CTNNA2: variants seen among roughly 807,000 people sequenced by gnomAD.
The protein encoded by CTNNA2 is catenin alpha-2.
In CTNNA2, 42 loss-of-function variants were observed where a neutral mutation model predicts 101.0. The ratio of observed to expected loss-of-function variants is 0.42; its 90% CI spans 0.32 to 0.54. The LOEUF (loss-of-function observed/expected upper bound fraction) is 0.54, where lower values mean the gene tolerates loss of function less well. Among genes scored for constraint, CTNNA2 ranks in the 20% least tolerant of loss-of-function variants. The pLI is 0.14. For missense variants in CTNNA2, 871 were observed against 1,223.1 expected (o/e 0.71, Z 4.29); for synonymous variants, 450 against 456.4 (o/e 0.99, Z 0.18).
intron 7 of CTNNA2, among the ~76,000 whole-genome samples, chr2:80,263,137 G>A (rs1446715358): frequency 6.6e-6 from 1 of 152,030 alleles, no homozygotes; most frequent in African/African-American, 2.4e-5. Context: ...GCTTAACTGG[G>A]TTTTTGGTCC....
chr2:80,425,394 CA>C (rs1184784730), intron 9 of CTNNA2, among the ~76,000 whole-genome samples: 2 of 151,872 alleles, frequency 1.3e-5, no homozygotes, highest in African/African-American at 4.8e-5. Context: ...TTACATACCT[CA>C]AAAAAATAAA....
At position 79,706,329 on chromosome 2, in the gene CTNNA2, C is replaced by G. The variant is rs1294432368; in HGVS notation, c.103-38058C>G. 2.0e-4 allele frequency among the ~76,000 whole-genome samples: 28 copies of G among 140,274 alleles called. No homozygotes were observed. In the Admixed American group the frequency reaches 2.0e-3, roughly 10 times the overall value. 92.0% of individuals were successfully genotyped at this position (140,274 alleles called of 152,430 possible). Reference sequence around the variant, plus strand: ...AGTGAGCCGAGATCACGCCACTGCACTCCGCCCTGGGCGACAGAGCGAGAC... The same window carrying G: ...AGTGAGCCGAGATCACGCCACTGCAGTCCGCCCTGGGCGACAGAGCGAGAC... On this transcript the variant is annotated intron_variant, in intron 2 of 18. Transcript: ENST00000402739.
At chr2:80,358,313 A>G (rs74531049) in intron 7 of CTNNA2, among the ~76,000 whole-genome samples, 40 of 147,954 alleles carry the variant, frequency 2.7e-4, no homozygotes, top group African/African-American at 9.6e-4. Flanking sequence ...AAATAAATGT[A>G]TGAATGAGTT....
intron 2 of CTNNA2, among the ~76,000 whole-genome samples, chr2:79,701,401 A>C (rs536776315): frequency 6.6e-6 from 1 of 152,218 alleles, no homozygotes; most frequent in East Asian, 1.9e-4. Flanking sequence ...AGGCTAGTCT[A>C]ACTTTCTTAC....
intron 7 of CTNNA2, among the ~76,000 whole-genome samples, chr2:80,128,162 G>A (rs1702236756): frequency 6.6e-6 from 1 of 152,126 alleles, no homozygotes; most frequent in Non-Finnish European, 1.5e-5. Flanking sequence ...TCAGCCACTG[G>A]CAGAAGTTGT....
intron 7 of CTNNA2, among the ~76,000 whole-genome samples, chr2:80,036,849 G>GTGTA (rs1491167418): frequency 1.4e-4 from 2 of 14,540 alleles, no homozygotes; most frequent in Non-Finnish European, 3.8e-4. Context: ...GTGTGTGTGT[G>GTGTA]AGAGAGAGAG....
At chr2:80,320,506 A>T (rs563618969) in intron 7 of CTNNA2, among the ~76,000 whole-genome samples, 2 of 152,342 alleles carry the variant, frequency 1.3e-5, no homozygotes, top group Non-Finnish European at 2.9e-5. Flanking sequence ...TAATTGGGTG[A>T]GGAACAGACC....
intron 6 of CTNNA2, among the ~76,000 whole-genome samples, chr2:79,907,294 A>G (rs73938413): frequency 3.9e-5 from 6 of 152,076 alleles, no homozygotes; most frequent in African/African-American, 1.4e-4. Flanking sequence ...TTCAATTAGA[A>G]TATTATTTCT....
At chr2:80,556,651 T>C (rs1220124825) in intron 12 of CTNNA2, among the ~76,000 whole-genome samples, 9 of 152,100 alleles carry the variant, frequency 5.9e-5, no homozygotes, top group African/African-American at 2.2e-4. Flanking sequence ...GACTGGCCTG[T>C]TTTTAGTAGT....
intron 4 of CTNNA2, among the ~76,000 whole-genome samples, chr2:79,461,585 A>G (rs971173229): frequency 3.3e-5 from 5 of 152,100 alleles, no homozygotes; most frequent in Non-Finnish European, 4.4e-5. Context: ...ATCCCCATTC[A>G]TTACTCATTT....
At position 80,015,590 on chromosome 2, in the gene CTNNA2, A is replaced by T. The variant is rs564084249; in HGVS notation, c.1056+105793A>T. Among the ~76,000 whole-genome samples, 19 of 152,236 alleles carry T rather than the reference A, an allele frequency of 1.2e-4. No homozygotes were observed. In the South Asian group the frequency reaches 3.9e-3, roughly 32 times the overall value. On this transcript the variant is annotated intron_variant, in intron 7 of 18. Coordinates refer to ENST00000402739, the MANE Select transcript of CTNNA2 (RefSeq NM_001282597.3). ...TGTGCAGAAGGATACGGGACGTGGA[A>T]TGGGGAGTTGGGATTTGCTTACTAG...
intron 2 of CTNNA2, among the ~76,000 whole-genome samples, chr2:79,688,327 A>T (rs1341280575): frequency 1.3e-5 from 2 of 152,094 alleles, no homozygotes; most frequent in East Asian, 3.9e-4. Flanking sequence ...CATATATTGG[A>T]ATTATGAGAC....
intron 7 of CTNNA2, among the ~76,000 whole-genome samples, chr2:79,971,533 T>G (rs1690485598): frequency 6.6e-6 from 1 of 152,192 alleles, no homozygotes; most frequent in South Asian, 2.1e-4. Flanking sequence ...CATTTACTGC[T>G]TTCAAACCCT....
At chr2:80,583,470 C>G (rs1695712416) in intron 14 of CTNNA2, among the ~76,000 whole-genome samples, 1 of 152,170 alleles carries the variant, frequency 6.6e-6, no homozygotes, top group African/African-American at 2.4e-5. Context: ...ACAGTCAATT[C>G]ATCTTCAGAA....
chr2:80,139,992 A>G (rs1229022078), intron 7 of CTNNA2, among the ~76,000 whole-genome samples: 1 of 152,204 alleles, frequency 6.6e-6, no homozygotes, highest in Non-Finnish European at 1.5e-5. Flanking sequence ...ACATTGACAG[A>G]CAGTATTTGG....
intron 2 of CTNNA2, among the ~76,000 whole-genome samples, chr2:79,281,129 G>A (rs556192863): frequency 1.3e-5 from 2 of 151,984 alleles, no homozygotes. Context: ...TGGGAAACAG[G>A]AACTAAACCA....
In CTNNA2 at chr2:80,623,754, C is replaced by A. The variant is rs74557263; in HGVS notation, c.2574+4526C>A. Among the ~76,000 whole-genome samples the A allele has an allele frequency of 4.7e-3, 711 of 151,922 alleles. 6 individuals carry two copies. The highest frequency in any genetic ancestry group is 0.017 in the African/African-American group (687 of 41,476). On this transcript the variant is annotated intron_variant, in intron 18 of 18. Transcript: ENST00000402739. ...TGTAATTAACTACCCCATCCCACTCCCCAGCACACAACAGGTGATTCATTT... is the reference window on the plus strand; with the variant it reads ...TGTAATTAACTACCCCATCCCACTCACCAGCACACAACAGGTGATTCATTT...
rs78401569 is a variant in CTNNA2, at chr2:80,634,546, A to C, written c.2575-13039A>C. Among the ~76,000 whole-genome samples, 818 of 147,306 alleles carry C rather than the reference A, an allele frequency of 5.6e-3. 14 individuals carry two copies. Among genetic ancestry groups the C allele is most frequent in the African/African-American group, 0.019 (771 of 39,646 alleles). On this transcript the variant is annotated intron_variant, in intron 18 of 18. Coordinates refer to ENST00000402739, the MANE Select transcript of CTNNA2 (RefSeq NM_001282597.3). ...AGACCATTTTGATAGATTTGGATTT[A>C]ACTCAGTCTGTGATTGGGAAGCCAC...
At chr2:79,288,275 T>C (rs1352556298) in intron 2 of CTNNA2, among the ~76,000 whole-genome samples, 2 of 152,196 alleles carry the variant, frequency 1.3e-5, no homozygotes, top group Non-Finnish European at 1.5e-5. Flanking sequence ...CTCCTCCTTA[T>C]ACTTTTATCT....
Sources: gnomAD v4.1 joint callset for allele counts (sites outside exome capture counted in the v4.1 genomes callset) on GRCh38, gnomAD v4.1.1 for gene constraint, MANE v1.5 for transcripts, NCBI Gene and HGNC (gene_info 2026-07-23, HGNC 2026-07-21) for gene names.